ARMH3: variants seen among roughly 807,000 people sequenced by gnomAD.
ARMH3 encodes the protein armadillo like helical domain containing 3.
ARMH3 carries 60 observed loss-of-function variants against 99.1 expected under a neutral mutation model. That is an observed-to-expected ratio of 0.61 (90% CI 0.49 to 0.75). The LOEUF (loss-of-function observed/expected upper bound fraction) is 0.75. ARMH3 is among the 30% of genes least tolerant of loss of function. The pLI, the probability that ARMH3 is intolerant of heterozygous loss-of-function variation, is 0.00. For missense variants in ARMH3, 679 were observed against 843.1 expected (o/e 0.81, Z 2.41); for synonymous variants, 285 against 292.8 (o/e 0.97, Z 0.27).
At chr10:101,991,292 T>C (rs1434406827) in intron 18 of ARMH3, among the ~76,000 whole-genome samples, 4 of 152,168 alleles carry the variant, frequency 2.6e-5, no homozygotes, top group Middle Eastern at 3.2e-3. Context: ...CTCAGTTTAA[T>C]ATACTCAGGG....
rs78728661 is a variant in ARMH3, at chr10:101,857,055, A to G, written c.1861-7163T>C. ...CACAAAGTAGGTATACAGAAAAAAA[A>G]AAGAAGGACTGAATAATCAGGTTTG... On this transcript the variant is annotated intron_variant, in intron 24 of 25. Transcript: ENST00000370033. Among the ~76,000 whole-genome samples the G allele has an allele frequency of 4.6e-3, 701 of 152,298 alleles. 6 individuals are homozygous for G. Among genetic ancestry groups the G allele is most frequent in the African/African-American group, 0.016 (655 of 41,546 alleles).
intron 15 of ARMH3, among the ~76,000 whole-genome samples, chr10:102,000,385 T>C (rs1431158650): frequency 6.6e-6 from 1 of 152,086 alleles, no homozygotes; most frequent in Non-Finnish European, 1.5e-5. Context: ...GAAAGCAGAA[T>C]GGTTGCTGTC....
At chr10:101,980,926 G>A (rs1266870647) in intron 19 of ARMH3, among the ~76,000 whole-genome samples, 2 of 152,088 alleles carry the variant, frequency 1.3e-5, no homozygotes, top group Non-Finnish European at 2.9e-5. Flanking sequence ...GGATGAAGCT[G>A]GAAGCCATCA....
chr10:101,936,861 G>C (rs1405867253), intron 23 of ARMH3, among the ~76,000 whole-genome samples: 1 of 152,182 alleles, frequency 6.6e-6, no homozygotes, highest in African/African-American at 2.4e-5. Flanking sequence ...GCTACAACAG[G>C]AATGAACCTT....
intron 23 of ARMH3, among the ~76,000 whole-genome samples, chr10:101,922,025 T>A (rs1331589557): frequency 6.6e-6 from 1 of 152,096 alleles, no homozygotes; most frequent in Non-Finnish European, 1.5e-5. Flanking sequence ...ATACTCAAGG[T>A]GATGATGGAC....
At chr10:101,919,599 G>A (rs1481147595) in intron 23 of ARMH3, among the ~76,000 whole-genome samples, 1 of 152,118 alleles carries the variant, frequency 6.6e-6, no homozygotes, top group Non-Finnish European at 1.5e-5. Flanking sequence ...GGCTTCTGGT[G>A]GCTGCGGCAC....
rs375066615 is a variant in ARMH3, at chr10:101,891,153, C to T, written c.1782-1663G>A. ...CCTCCTAAAATGCTGGGATTACAGG[C>T]ATGAGCCATTGCTCCTGACGCTGAC... On this transcript the variant is annotated intron_variant, in intron 23 of 25. Coordinates refer to ENST00000370033, the MANE Select transcript of ARMH3 (RefSeq NM_024541.3). Among the ~76,000 whole-genome samples the T allele has an allele frequency of 1.4e-4, 22 of 151,952 alleles. No homozygotes were observed. In the East Asian group the frequency reaches 4.3e-3, roughly 30 times the overall value.
intron 2 of ARMH3, among the ~76,000 whole-genome samples, chr10:102,035,941 T>A (rs539335200): frequency 3.4e-5 from 5 of 147,222 alleles, no homozygotes; most frequent in Admixed American, 2.0e-4. Flanking sequence ...CCAGCGGCCA[T>A]CCCGTCTAGG....
At chr10:101,911,709 C>T (rs375382094) in intron 23 of ARMH3, among the ~76,000 whole-genome samples, 5 of 152,132 alleles carry the variant, frequency 3.3e-5, no homozygotes, top group African/African-American at 7.2e-5. Context: ...CAAGCCTGAG[C>T]GACAGAGCAA....
At chr10:101,978,728 T>A (rs1003594310) in intron 19 of ARMH3, among the ~76,000 whole-genome samples, 4 of 151,982 alleles carry the variant, frequency 2.6e-5, no homozygotes, top group Non-Finnish European at 5.9e-5. Flanking sequence ...GATCATGAGG[T>A]CAGGAGTTCA....
At chr10:102,012,213 T>C (rs758148939) in intron 10 of ARMH3, among the ~76,000 whole-genome samples, 5 of 152,174 alleles carry the variant, frequency 3.3e-5, no homozygotes, top group African/African-American at 1.2e-4. Flanking sequence ...TGATACCCAA[T>C]TGTGTGTGAG....
intron 8 of ARMH3, among the ~76,000 whole-genome samples, chr10:102,021,827 T>TA (rs926110250): frequency 2.6e-5 from 4 of 152,162 alleles, no homozygotes; most frequent in Admixed American, 6.5e-5. Flanking sequence ...ATTACAGGCA[T>TA]AAGCCATCGC....
chr10:101,983,185 T>C (rs776438355), intron 19 of ARMH3, among the ~76,000 whole-genome samples: 1 of 152,240 alleles, frequency 6.6e-6, no homozygotes, highest in Non-Finnish European at 1.5e-5. Context: ...GACCAAGGCA[T>C]GATTAGCGAG....
At chr10:101,971,095 C>CAAAAAAAAAA (rs71472590) in intron 20 of ARMH3, among the ~76,000 whole-genome samples, 2 of 33,290 alleles carry the variant, frequency 6.0e-5, no homozygotes, top group Non-Finnish European at 1.1e-4. Context: ...AGACCGTCTC[C>CAAAAAAAAAA]AAAAAAAAAA....
chr10:101,886,916 T>C (rs546931416), intron 24 of ARMH3, among the ~76,000 whole-genome samples: 1 of 152,326 alleles, frequency 6.6e-6, no homozygotes, highest in East Asian at 1.9e-4. Flanking sequence ...TTAGAATCTA[T>C]TGAGGATTAA....
At chr10:101,918,475 T>C (rs1843175933) in intron 23 of ARMH3, among the ~76,000 whole-genome samples, 1 of 152,214 alleles carries the variant, frequency 6.6e-6, no homozygotes, top group African/African-American at 2.4e-5. Flanking sequence ...AAACTGGAAG[T>C]GTTAATTCCC....
chr10:102,005,228 C>G (rs1402533059), intron 14 of ARMH3, among the ~76,000 whole-genome samples: 1 of 151,480 alleles, frequency 6.6e-6, no homozygotes, highest in Non-Finnish European at 1.5e-5. Flanking sequence ...AATAAACATA[C>G]AAAAATTAGC....
At chr10:101,900,053 T>G (rs550385030) in intron 23 of ARMH3, among the ~76,000 whole-genome samples, 2 of 152,216 alleles carry the variant, frequency 1.3e-5, no homozygotes, top group Admixed American at 6.5e-5. Context: ...ATTCCCCTTA[T>G]GTCTACTTTT....
chr10:101,909,049 C>A (rs555133100), intron 23 of ARMH3, among the ~76,000 whole-genome samples: 2 of 152,146 alleles, frequency 1.3e-5, no homozygotes, highest in East Asian at 3.9e-4. Context: ...AGTGAAGGCA[C>A]ACTATGGACA....
Sources: gnomAD v4.1 joint callset for allele counts (sites outside exome capture counted in the v4.1 genomes callset) on GRCh38, gnomAD v4.1.1 for gene constraint, MANE v1.5 for transcripts, NCBI Gene and HGNC (gene_info 2026-07-23, HGNC 2026-07-21) for gene names.